ERICH2: variants seen among roughly 807,000 people sequenced by gnomAD.
ERICH2 encodes the protein glutamate rich 2.
A neutral mutation model predicts 17.4 loss-of-function variants in ERICH2; 17 were observed. That is an observed-to-expected ratio of 0.98 (90% confidence interval 0.67 to 1.47). The LOEUF (loss-of-function observed/expected upper bound fraction) is 1.47. Ranked by LOEUF, ERICH2 falls within the 40% of genes most tolerant of loss-of-function variation. ERICH2 has a pLI of 0.00. For missense variants in ERICH2, 186 were observed against 183.2 expected, an observed-to-expected ratio of 1.01 and a Z score of -0.09; for synonymous variants, 51 against 61.1, an observed-to-expected ratio of 0.83 and a Z score of 0.77.
exon 2 of ERICH2, chr2:170,784,824 A>T (rs1345172856): frequency 3.4e-6 from 5 of 1,470,674 alleles, no homozygotes; most frequent in Non-Finnish European, 4.5e-6. Context: ...CACTAGAGTT[A>T]ATGGCAGAAG....
At chr2:170,788,891 T>G (rs1701217186) in intron 2 of ERICH2, among the ~76,000 whole-genome samples, 1 of 152,176 alleles carries the variant, frequency 6.6e-6, no homozygotes, top group Non-Finnish European at 1.5e-5. Flanking sequence ...TGCTTTATCT[T>G]TCTCTTTTGA....
the ERICH2 span, among the ~76,000 whole-genome samples, chr2:170,772,973 A>G: frequency 1.3e-5 from 2 of 152,366 alleles, no homozygotes; most frequent in Admixed American, 1.3e-4. Flanking sequence ...TTGAAATCTG[A>G]ATTTTAAATG....
rs201687694 is a variant in ERICH2 at position 170,794,071 on chromosome 2, TTTCC to T, written c.274+1167_274+1170del. 3.8e-3 allele frequency among the ~76,000 whole-genome samples: 568 copies of T among 150,540 alleles called. 1 individual carries two copies. The highest frequency in any genetic ancestry group is 0.017 in the Middle Eastern group (5 of 292). On this transcript the variant is annotated intron_variant, in intron 3 of 4. Coordinates refer to ENST00000409885, the Ensembl canonical transcript of ERICH2. Reference sequence around the variant, plus strand: ...TTGTTTTCCTTCCTTTCTTTCTTTCTTTCCTTCCTTCCTTCCTTCTCTTTCCTTT... The same window carrying T: ...TTGTTTTCCTTCCTTTCTTTCTTTCTTTCCTTCCTTCCTTCTCTTTCCTTT...
At chr2:170,780,196 T>TC (rs1362736845), upstream of ERICH2, among the ~76,000 whole-genome samples, 1 of 152,214 alleles carries the variant, frequency 6.6e-6, no homozygotes, top group Non-Finnish European at 1.5e-5. Flanking sequence ...TCAGTTGTAA[T>TC]TGTAGTTAAC....
chr2:170,779,916 G>A (rs1009308759), upstream of ERICH2: 1 of 737,590 alleles, frequency 1.4e-6, no homozygotes, highest in African/African-American at 1.9e-5. Flanking sequence ...TTGTTTTTAG[G>A]CCCATGTTTG....
At chr2:170,785,492 G>A (rs1701139427) in intron 2 of ERICH2, among the ~76,000 whole-genome samples, 1 of 152,030 alleles carries the variant, frequency 6.6e-6, no homozygotes, top group South Asian at 2.1e-4. Context: ...GCTAGTTGCT[G>A]GGGATATAGA....
intron 1 of ERICH2, 143 bp from the exon 7 acceptor site, chr2:170,784,500 ATGT>A (rs1701103969): frequency 8.5e-6 from 4 of 472,406 alleles, no homozygotes; most frequent in Non-Finnish European, 1.5e-5. Flanking sequence ...GAGTTAAAAT[ATGT>A]AGTGTTTTGA....
chr2:170,772,820 A>G, the ERICH2 span, among the ~76,000 whole-genome samples: 1 of 152,166 alleles, frequency 6.6e-6, no homozygotes, highest in Non-Finnish European at 1.5e-5. Flanking sequence ...CTAGCTATTT[A>G]TTCATTCTGT....
At chr2:170,789,032 C>T (rs1161013298) in intron 2 of ERICH2, among the ~76,000 whole-genome samples, 9 of 151,780 alleles carry the variant, frequency 5.9e-5, no homozygotes, top group Non-Finnish European at 1.5e-5. Context: ...CACAATCTCA[C>T]CTCACTGCAG....
chr2:170,777,949 C>T, the ERICH2 span: 3 of 343,354 alleles, frequency 8.7e-6, no homozygotes, highest in African/African-American at 4.2e-5. Flanking sequence ...CTGTATTTTA[C>T]TTGTATCATA....
intron 2 of ERICH2, among the ~76,000 whole-genome samples, chr2:170,786,530 T>C (rs1281206928): frequency 6.6e-6 from 1 of 152,110 alleles, no homozygotes; most frequent in Non-Finnish European, 1.5e-5. Flanking sequence ...GATCTGTGAG[T>C]TTATAGTCTT....
intron 2 of ERICH2, among the ~76,000 whole-genome samples, chr2:170,786,123 T>A: frequency 7.1e-6 from 1 of 140,198 alleles, no homozygotes; most frequent in East Asian, 2.0e-4. Context: ...AATTTCTGGA[T>A]CATAGCTTTC....
the ERICH2 span, chr2:170,770,591 T>C: frequency 1.3e-5 from 2 of 155,040 alleles, no homozygotes; most frequent in Non-Finnish European, 2.9e-5. Flanking sequence ...GGGACACCCA[T>C]CTCTCCCAAC....
chr2:170,783,365 C>A (rs1701074523), upstream of ERICH2: 2 of 156,494 alleles, frequency 1.3e-5, no homozygotes, highest in Non-Finnish European at 2.8e-5. Context: ...GCCTAGCCAA[C>A]ATGGTGAAAC....
intron 2 of ERICH2, among the ~76,000 whole-genome samples, chr2:170,785,780 G>C (rs1399950650): frequency 6.6e-6 from 1 of 152,050 alleles, no homozygotes; most frequent in Non-Finnish European, 1.5e-5. Flanking sequence ...CATCAGAAAA[G>C]GCATATATGA....
chr2:170,770,953 C>T, the ERICH2 span, among the ~76,000 whole-genome samples: 9 of 148,764 alleles, frequency 6.0e-5, no homozygotes, highest in South Asian at 1.9e-3. Flanking sequence ...CCTGCCTCTC[C>T]GTGGTTCCCC....
At position 170,788,474 on chromosome 2, in the gene ERICH2, A is replaced by T. The variant is rs965848056; in HGVS notation, c.216+3641A>T. ...CCCTTTTTAGTTGTCCCAATTTTTA[A>T]TTTTTATTTTATTTTCGAGACGGAG... On this transcript the variant is annotated intron_variant, in intron 2 of 4. Coordinates refer to ENST00000409885, the Ensembl canonical transcript of ERICH2. Among the ~76,000 whole-genome samples the T allele has an allele frequency of 2.7e-4, 5 of 18,248 alleles. No homozygotes were observed. In the Admixed American group the frequency reaches 4.5e-3, roughly 17 times the overall value. 12.0% of individuals were successfully genotyped at this position (18,248 alleles called of 152,430 possible).
chr2:170,782,304 A>G, upstream of ERICH2: 1 of 960,344 alleles, frequency 1.0e-6, no homozygotes, highest in Non-Finnish European at 1.2e-6. Context: ...AAAATAGAGT[A>G]TCTTCAAGGA....
At chr2:170,782,358 A>G, upstream of ERICH2, 1 of 983,434 alleles carries the variant, frequency 1.0e-6, no homozygotes, top group Non-Finnish European at 1.2e-6. Context: ...AGTCTGACCT[A>G]TTGTCATCTT....
Sources: gnomAD v4.1 joint callset for allele counts (sites outside exome capture counted in the v4.1 genomes callset) on GRCh38, gnomAD v4.1.1 for gene constraint, MANE v1.5 for transcripts, NCBI Gene and HGNC (gene_info 2026-07-23, HGNC 2026-07-21) for gene names.